The following TP63 variants were observed in gnomAD, a reference collection of about 807,000 sequenced individuals.
The protein encoded by TP63 is tumor protein 63.
Under a neutral mutation model 82.8 loss-of-function variants are expected in TP63, and 17 were observed. That is an observed-to-expected ratio of 0.21 (90% CI 0.14 to 0.31). The LOEUF is 0.31. Ranked by LOEUF, TP63 falls within the 10% of genes least tolerant of loss-of-function variation. TP63 has a pLI of 1.00. For synonymous variants in TP63, 330 were observed against 321.7 expected (o/e 1.03, Z -0.28); for missense variants, 648 against 895.3 (o/e 0.72, Z 3.52).
chr3:189,748,508 CAAAAAAAAA>C (rs58926854), intron 3 of TP63, among the ~76,000 whole-genome samples: 1 of 31,258 alleles, frequency 3.2e-5, no homozygotes, highest in African/African-American at 1.3e-4. Context: ...AGGAAAACTA[CAAAAAAAAA>C]AAAAAAAAAA....
At chr3:189,811,011 G>C (rs144075016) in intron 4 of TP63, among the ~76,000 whole-genome samples, 1 of 152,220 alleles carries the variant, frequency 6.6e-6, no homozygotes, top group African/African-American at 2.4e-5. Flanking sequence ...AAATATTCTG[G>C]TACACTGGTA....
chr3:189,690,321 T>A lies in TP63; in HGVS notation c.63-47419T>A, dbSNP rs971413157. ...TCAGGCTGATGGGGTCCAGGCTCTT[T>A]AGGAATCCAGGATCCTGGCCCTGAT... On this transcript the variant is annotated intron_variant, in intron 1 of 13. Coordinates refer to ENST00000264731, the MANE Select transcript of TP63 (RefSeq NM_003722.5). Among the ~76,000 whole-genome samples the A allele has an allele frequency of 3.3e-5, 5 of 152,194 alleles. No individual in the cohort carries two copies. The East Asian group carries it at 9.6e-4, about 29-fold the overall frequency.
intron 4 of TP63, among the ~76,000 whole-genome samples, chr3:189,821,081 A>T (rs1728749020): frequency 1.3e-5 from 2 of 152,262 alleles, no homozygotes; most frequent in East Asian, 3.8e-4. Context: ...GGAAGGTCTC[A>T]TTAAATATCT....
chr3:189,635,859 TAAG>T (rs983210643), intron 1 of TP63, among the ~76,000 whole-genome samples: 3 of 152,098 alleles, frequency 2.0e-5, no homozygotes, highest in Admixed American at 6.6e-5. Context: ...TTTATGCACA[TAAG>T]AAGACTTCCA....
intron 4 of TP63, among the ~76,000 whole-genome samples, chr3:189,859,648 G>A (rs1467221294): frequency 6.6e-6 from 1 of 152,094 alleles, no homozygotes. Flanking sequence ...TTGGGAGTTT[G>A]TTAGTAAGCA....
chr3:189,867,716 A>C (rs1717904821), intron 6 of TP63, 117 bp from the exon 7 acceptor site: 1 of 955,068 alleles, frequency 1.0e-6, no homozygotes, highest in South Asian at 1.4e-5. Flanking sequence ...TTGCCCTTTT[A>C]GGAGGAAGCG....
At chr3:189,698,984 A>G (rs1577261854) in intron 1 of TP63, among the ~76,000 whole-genome samples, 1 of 152,330 alleles carries the variant, frequency 6.6e-6, no homozygotes, top group East Asian at 1.9e-4. Context: ...GAGTTAAGCT[A>G]GTATTGAATG....
At chr3:189,611,458 G>A in the TP63 span, among the ~76,000 whole-genome samples, 1 of 152,142 alleles carries the variant, frequency 6.6e-6, no homozygotes, top group African/African-American at 2.4e-5. Flanking sequence ...GGTCATAGAT[G>A]TGAGGCCTTA....
chr3:189,745,607 T>C (rs1199435169), intron 3 of TP63, among the ~76,000 whole-genome samples: 1 of 145,536 alleles, frequency 6.9e-6, no homozygotes, highest in African/African-American at 2.6e-5. Context: ...CTCGGGAGGC[T>C]GAGATAGGAG....
intron 4 of TP63, among the ~76,000 whole-genome samples, chr3:189,822,505 T>C (rs1208391683): frequency 6.6e-6 from 1 of 152,182 alleles, no homozygotes; most frequent in South Asian, 2.1e-4. Context: ...TATTTCAATA[T>C]AGGTATTTCT....
At chr3:189,726,169 C>A (rs1011233780) in intron 1 of TP63, among the ~76,000 whole-genome samples, 2 of 152,034 alleles carry the variant, frequency 1.3e-5, no homozygotes, top group African/African-American at 4.8e-5. Context: ...TATCTTGTTC[C>A]TCCATATGAA....
At chr3:189,866,020 G>A (rs1028434590) in intron 5 of TP63, among the ~76,000 whole-genome samples, 8 of 152,084 alleles carry the variant, frequency 5.3e-5, no homozygotes, top group East Asian at 1.9e-4. Flanking sequence ...ACAGCTTTAC[G>A]GGTCCCAGTT....
intron 4 of TP63, among the ~76,000 whole-genome samples, chr3:189,836,686 C>T (rs1008267989): frequency 6.6e-6 from 1 of 152,130 alleles, no homozygotes; most frequent in African/African-American, 2.4e-5. Flanking sequence ...CCCATCAGTG[C>T]TCCTAGACAT....
intron 1 of TP63, among the ~76,000 whole-genome samples, chr3:189,692,729 G>C (rs1436940289): frequency 6.6e-6 from 1 of 152,182 alleles, no homozygotes; most frequent in Non-Finnish European, 1.5e-5. Context: ...AGACAATCCA[G>C]AACTGTGAAA....
chr3:189,715,236 G>A (rs1472872782), intron 1 of TP63, among the ~76,000 whole-genome samples: 2 of 152,138 alleles, frequency 1.3e-5, no homozygotes, highest in African/African-American at 4.8e-5. Flanking sequence ...AGACCTCTTA[G>A]TCACCCTGAG....
intron 3 of TP63, among the ~76,000 whole-genome samples, chr3:189,741,710 G>T (rs1721001903): frequency 1.3e-5 from 2 of 152,094 alleles, no homozygotes; most frequent in Non-Finnish European, 2.9e-5. Context: ...CTGATTTTTT[G>T]ATACAACCTA....
chr3:189,827,329 G>C (rs1286783317), intron 4 of TP63, among the ~76,000 whole-genome samples: 2 of 152,126 alleles, frequency 1.3e-5, no homozygotes, highest in Non-Finnish European at 2.9e-5. Context: ...AATTGTAGAT[G>C]AACACTTGCC....
intron 3 of TP63, among the ~76,000 whole-genome samples, chr3:189,752,871 A>G (rs887351928): frequency 7.2e-5 from 11 of 152,186 alleles, no homozygotes; most frequent in African/African-American, 2.7e-4. Context: ...TCAGTTCAAA[A>G]TATTGTCTAG....
At chr3:189,791,829 G>A (rs1261716811) in intron 3 of TP63, among the ~76,000 whole-genome samples, 2 of 152,036 alleles carry the variant, frequency 1.3e-5, no homozygotes, top group African/African-American at 2.4e-5. Context: ...TATATGAAAT[G>A]CCTGGCACCA....
Sources: gnomAD v4.1 joint callset for allele counts (sites outside exome capture counted in the v4.1 genomes callset) on GRCh38, gnomAD v4.1.1 for gene constraint, MANE v1.5 for transcripts, NCBI Gene and HGNC (gene_info 2026-07-23, HGNC 2026-07-21) for gene names.